LOC128092252: variants seen among roughly 807,000 people sequenced by gnomAD.
the LOC128092252 span, among the ~76,000 whole-genome samples, chr15:50,679,853 CAA>C: frequency 6.6e-6 from 1 of 151,850 alleles, no homozygotes; most frequent in Non-Finnish European, 1.5e-5. Flanking sequence ...CTGCTTTTAA[CAA>C]AGAGTTACAC....
the LOC128092252 span, among the ~76,000 whole-genome samples, chr15:50,672,335 C>T: frequency 5.3e-5 from 8 of 151,802 alleles, no homozygotes; most frequent in Non-Finnish European, 1.0e-4. Context: ...GGATTACAGG[C>T]GTGAGCCACC....
At chr15:50,670,164 C>T in the LOC128092252 span, among the ~76,000 whole-genome samples, 1 of 152,116 alleles carries the variant, frequency 6.6e-6, no homozygotes, top group Admixed American at 6.6e-5. Flanking sequence ...TCACCCCATT[C>T]AGCAAGAAGA....
chr15:50,656,871 T>G, the LOC128092252 span, among the ~76,000 whole-genome samples: 2 of 152,190 alleles, frequency 1.3e-5, no homozygotes, highest in Non-Finnish European at 2.9e-5. Context: ...CCAAATCCTA[T>G]TGCATTTATC....
chr15:50,677,326 T>C, the LOC128092252 span, among the ~76,000 whole-genome samples: 1 of 151,884 alleles, frequency 6.6e-6, no homozygotes, highest in African/African-American at 2.4e-5. Flanking sequence ...AGTTCTCATC[T>C]CCAAATACCA....
At chr15:50,651,856 C>T in the LOC128092252 span, among the ~76,000 whole-genome samples, 1 of 151,816 alleles carries the variant, frequency 6.6e-6, no homozygotes, top group Non-Finnish European at 1.5e-5. Context: ...CACTGCACAT[C>T]CAGCCTGGCG....
At chr15:50,686,527 G>A in the LOC128092252 span, 1 of 1,612,314 alleles carries the variant, frequency 6.2e-7, no homozygotes, top group Non-Finnish European at 8.5e-7. Context: ...CGTGGGTCCA[G>A]TACCATTCTC....
At chr15:50,652,328 C>CAAAAAAAAAAAA in the LOC128092252 span, among the ~76,000 whole-genome samples, 1 of 34,230 alleles carries the variant, frequency 2.9e-5, no homozygotes. Context: ...GACTCCATCT[C>CAAAAAAAAAAAA]AAAAAAAAAA....
At chr15:50,663,809 A>C in the LOC128092252 span, among the ~76,000 whole-genome samples, 1 of 152,104 alleles carries the variant, frequency 6.6e-6, no homozygotes, top group South Asian at 2.1e-4. Flanking sequence ...CCAAAAGCTA[A>C]AAAATTAGCC....
At chr15:50,675,012 T>C in the LOC128092252 span, among the ~76,000 whole-genome samples, 1 of 152,154 alleles carries the variant, frequency 6.6e-6, no homozygotes, top group Non-Finnish European at 1.5e-5. Context: ...CTAAATTTTA[T>C]GCCTACAGGG....
the LOC128092252 span, among the ~76,000 whole-genome samples, chr15:50,655,061 T>C: frequency 1.1e-5 from 1 of 87,222 alleles, no homozygotes; most frequent in African/African-American, 4.0e-5. Context: ...AAATGGAGAA[T>C]GTAGAAATAA....
chr15:50,685,109 T>C, the LOC128092252 span, among the ~76,000 whole-genome samples: 1 of 152,238 alleles, frequency 6.6e-6, no homozygotes, highest in East Asian at 1.9e-4. Context: ...GTTGAAGCTG[T>C]TGAAACTGGC....
chr15:50,673,636 A>G, the LOC128092252 span, among the ~76,000 whole-genome samples: 7 of 151,050 alleles, frequency 4.6e-5, no homozygotes, highest in Admixed American at 4.0e-4. Context: ...ATTCCCTCGT[A>G]TATATATATA....
the LOC128092252 span, among the ~76,000 whole-genome samples, chr15:50,669,644 GA>G: frequency 6.6e-6 from 1 of 152,120 alleles, no homozygotes. Context: ...ACTGGAGTGA[GA>G]AAAAATTGTG....
the LOC128092252 span, among the ~76,000 whole-genome samples, chr15:50,680,589 C>T: frequency 6.7e-6 from 1 of 150,090 alleles, no homozygotes; most frequent in Non-Finnish European, 1.5e-5. Context: ...AAAACAAAAA[C>T]CAGACAACTG....
At chr15:50,656,225 C>G in the LOC128092252 span, among the ~76,000 whole-genome samples, 1 of 152,068 alleles carries the variant, frequency 6.6e-6, no homozygotes, top group African/African-American at 2.4e-5. Flanking sequence ...GGAACCTCAC[C>G]ATCTATAAGA....
the LOC128092252 span, among the ~76,000 whole-genome samples, chr15:50,655,093 T>C: frequency 1.4e-5 from 2 of 138,172 alleles, no homozygotes; most frequent in South Asian, 2.3e-4. Flanking sequence ...AAGACATCAA[T>C]AGAAATTATT....
At chr15:50,662,902 G>C in the LOC128092252 span, 1 of 1,161,850 alleles carries the variant, frequency 8.6e-7, no homozygotes, top group Non-Finnish European at 1.3e-6. Context: ...TTCCAATAAA[G>C]AAATAACAAT....
chr15:50,672,625 A>C, the LOC128092252 span, among the ~76,000 whole-genome samples: 1 of 152,002 alleles, frequency 6.6e-6, no homozygotes, highest in Non-Finnish European at 1.5e-5. Context: ...AATAGAAAAA[A>C]GTAGCCAGGT....
At chr15:50,679,736 C>T in the LOC128092252 span, among the ~76,000 whole-genome samples, 1 of 150,840 alleles carries the variant, frequency 6.6e-6, no homozygotes, top group African/African-American at 2.4e-5. Flanking sequence ...GGGTTATCTA[C>T]GTTGGCCAGG....
Sources: gnomAD v4.1 joint callset for allele counts (sites outside exome capture counted in the v4.1 genomes callset) on GRCh38, gnomAD v4.1.1 for gene constraint, MANE v1.5 for transcripts.